COL24A1: variants seen among roughly 807,000 people sequenced by gnomAD.
COL24A1 encodes the protein collagen alpha-1(XXIV) chain.
A neutral mutation model predicts 253.9 loss-of-function variants in COL24A1; 224 were observed. The observed-to-expected ratio is 0.88, with a 90% CI of 0.79 to 0.99. COL24A1 has a LOEUF of 0.99. COL24A1 is among the 50% of genes least tolerant of loss of function. The pLI is 0.00. For missense variants in COL24A1, 2,131 were observed against 2,068.5 expected, an observed-to-expected ratio of 1.03 and a Z score of -0.59; for synonymous variants, 685 against 673.7, an observed-to-expected ratio of 1.02 and a Z score of -0.26.
intron 10 of COL24A1, among the ~76,000 whole-genome samples, chr1:86,055,351 A>G (rs1346205097): frequency 6.6e-6 from 1 of 152,240 alleles, no homozygotes; most frequent in Non-Finnish European, 1.5e-5. Flanking sequence ...TCCTTATTCC[A>G]ATCACACTCC....
At chr1:85,939,674 C>G (rs930653058) in intron 24 of COL24A1, among the ~76,000 whole-genome samples, 4 of 152,030 alleles carry the variant, frequency 2.6e-5, no homozygotes, top group Non-Finnish European at 4.4e-5. Context: ...AAAGCTATAG[C>G]TTTTTATAAG....
At chr1:86,012,004 G>A (rs930163952) in intron 19 of COL24A1, among the ~76,000 whole-genome samples, 1 of 152,060 alleles carries the variant, frequency 6.6e-6, no homozygotes, top group African/African-American at 2.4e-5. Flanking sequence ...TTTTAGTAGA[G>A]ACAAAGCCTC....
At chr1:86,077,728 T>C (rs1327658283) in intron 7 of COL24A1, among the ~76,000 whole-genome samples, 1 of 151,654 alleles carries the variant, frequency 6.6e-6, no homozygotes, top group African/African-American at 2.4e-5. Context: ...CTTAGCAAAC[T>C]AACCCAGGAA....
chr1:85,992,257 A>AT (rs1434528388), intron 19 of COL24A1, among the ~76,000 whole-genome samples: 2 of 152,120 alleles, frequency 1.3e-5, no homozygotes, highest in South Asian at 2.1e-4. Context: ...TGAACTCATC[A>AT]TTTTTTATGG....
At chr1:86,061,290 C>T (rs555319441) in intron 8 of COL24A1, among the ~76,000 whole-genome samples, 4 of 152,134 alleles carry the variant, frequency 2.6e-5, no homozygotes, top group African/African-American at 2.4e-5. Context: ...AACACATAGG[C>T]CCACATTCTA....
chr1:85,807,653 A>G (rs1404601340), intron 47 of COL24A1, among the ~76,000 whole-genome samples: 1 of 152,080 alleles, frequency 6.6e-6, no homozygotes, highest in Non-Finnish European at 1.5e-5. Flanking sequence ...GGATTCATGT[A>G]CTCTCACTCA....
rs568226363 is a variant in COL24A1 at position 85,991,855 on chromosome 1, GTTTATTT to G, written c.2311-4208_2311-4202del. On this transcript the variant is annotated intron_variant, in intron 19 of 59. Coordinates refer to ENST00000370571, the MANE Select transcript of COL24A1 (RefSeq NM_152890.7). ...AAAGCTAACAAATATATAAGCACAA[GTTTATTT>G]TTTATTTTTTATTTTTATTGGCTTG... 1.5e-3 allele frequency among the ~76,000 whole-genome samples: 221 copies of G among 151,302 alleles called. 1 individual carries two copies. Among genetic ancestry groups the G allele is most frequent in the African/African-American group, 4.8e-3 (196 of 41,220 alleles).
chr1:85,994,058 A>AATT lies in COL24A1; in HGVS notation c.2311-6407_2311-6405dup, dbSNP rs1322801378. ...CCATTTAACTCCCATGGAAAATTTCAATTATTGATTTAATATCCACTGTGC... is the reference window on the plus strand; with the variant it reads ...CCATTTAACTCCCATGGAAAATTTCAATTATTATTGATTTAATATCCACTGTGC... On this transcript the variant is annotated intron_variant, in intron 19 of 59. Coordinates refer to ENST00000370571, the MANE Select transcript of COL24A1 (RefSeq NM_152890.7). 6.6e-5 allele frequency among the ~76,000 whole-genome samples: 10 copies of AATT among 152,176 alleles called. No individual in the cohort carries two copies. The East Asian group carries it at 1.9e-3, about 29-fold the overall frequency.
chr1:86,126,134 A>G lies in COL24A1; in HGVS notation c.202T>C (p.Ser68Pro), dbSNP rs201870678. Residue 68 changes from serine to proline, a missense_variant, in exon 3 of 60, where the codon TCT becomes CCT. By Grantham distance (74) the Ser-to-Pro change is moderately conservative. Coordinates refer to ENST00000370571, the MANE Select transcript of COL24A1 (RefSeq NM_152890.7). ...TGGACCCCCTGAGGTAACGGTGTAG[A>G]TGCTGATGGTACAGCAGTCGCTGGT... is the stretch of plus-strand genomic sequence containing the variant. Reference protein sequence around the residue: ...SSPATAVPSASTPLPQGVHLT... With the variant: ...SSPATAVPSAPTPLPQGVHLT... 8.1e-6 allele frequency: 13 copies of G among 1,611,518 alleles called. No homozygotes were observed. In the Middle Eastern group the frequency reaches 6.6e-4, roughly 82 times the overall value.
chr1:85,833,330 GA>G (rs1481021559), intron 43 of COL24A1, among the ~76,000 whole-genome samples: 8 of 152,154 alleles, frequency 5.3e-5, no homozygotes. Context: ...CTTCTCAAAA[GA>G]AGACATTTAT....
intron 48 of COL24A1, among the ~76,000 whole-genome samples, chr1:85,785,119 G>C (rs1669548019): frequency 6.6e-6 from 1 of 152,102 alleles, no homozygotes; most frequent in African/African-American, 2.4e-5. Context: ...AAAAAGAGTA[G>C]TCTCCTGAAG....
intron 57 of COL24A1, among the ~76,000 whole-genome samples, chr1:85,740,613 A>T (rs935315548): frequency 6.6e-6 from 1 of 151,806 alleles, no homozygotes; most frequent in African/African-American, 2.4e-5. Flanking sequence ...ACATTCCACC[A>T]TGGCTGGCCA....
chr1:85,881,002 G>A (rs1376013228), intron 32 of COL24A1, among the ~76,000 whole-genome samples: 2 of 152,090 alleles, frequency 1.3e-5, no homozygotes, highest in Admixed American at 1.3e-4. Context: ...GTGTTTGTCT[G>A]GTTTTGTTTT....
intron 7 of COL24A1, among the ~76,000 whole-genome samples, chr1:86,064,151 C>T (rs1434385317): frequency 6.6e-6 from 1 of 151,956 alleles, no homozygotes; most frequent in East Asian, 1.9e-4. Context: ...GACAAATGGC[C>T]TCAGACATAA....
chr1:85,979,897 A>AG (rs769977925), intron 20 of COL24A1, among the ~76,000 whole-genome samples: 103 of 152,336 alleles, frequency 6.8e-4, no homozygotes, highest in Middle Eastern at 6.8e-3. Flanking sequence ...GAGAAACTAC[A>AG]GAACAATATC....
At chr1:85,883,288 C>T (rs1197627722) in intron 32 of COL24A1, among the ~76,000 whole-genome samples, 1 of 151,608 alleles carries the variant, frequency 6.6e-6, no homozygotes, top group East Asian at 1.9e-4. Context: ...GGCATGATCT[C>T]GGTGCACTGC....
At chr1:86,149,228 C>T (rs1437341577) in intron 1 of COL24A1, among the ~76,000 whole-genome samples, 1 of 152,270 alleles carries the variant, frequency 6.6e-6, no homozygotes, top group Admixed American at 6.5e-5. Context: ...ATAATTGGAT[C>T]TTTCTCTCCT....
chr1:86,057,928 T>C lies in COL24A1; in HGVS notation c.1851+3A>G, dbSNP rs1257944007. The C allele has an allele frequency of 6.2e-7, 1 of 1,612,312 alleles. No individual in the cohort carries two copies. The highest frequency in any genetic ancestry group is 1.7e-5 in the Admixed American group (1 of 59,762). Reference sequence around the variant, plus strand: ...TAACAGAATGATGGAAATGCCTACTTACTTGTGCACCTTTAGGACCTGGAT... The same window carrying C: ...TAACAGAATGATGGAAATGCCTACTCACTTGTGCACCTTTAGGACCTGGAT... On this transcript the variant is annotated splice_donor_region_variant and intron_variant, in intron 10 of 59. Coordinates refer to ENST00000370571, the MANE Select transcript of COL24A1 (RefSeq NM_152890.7).
intron 5 of COL24A1, 45 bp downstream of exon 5, chr1:86,112,522 A>C: frequency 6.6e-7 from 1 of 1,526,382 alleles, no homozygotes; most frequent in Non-Finnish European, 9.0e-7. Flanking sequence ...CAGGAAAATC[A>C]GGTGATACTC....
Sources: allele counts gnomAD v4.1 joint callset (sites outside exome capture counted in the v4.1 genomes callset), GRCh38; gene constraint gnomAD v4.1.1; transcripts MANE v1.5; gene names NCBI Gene and HGNC (gene_info 2026-07-23, HGNC 2026-07-21).